Variants in CROCC2 observed in about 807,000 individuals in gnomAD.
The protein encoded by CROCC2 is ciliary rootlet coiled-coil protein 2.
In CROCC2, 163 loss-of-function variants were observed where a neutral mutation model predicts 177.6. That is an observed-to-expected ratio of 0.92 (90% CI 0.81 to 1.05). The LOEUF is 1.05. Ranked by LOEUF, CROCC2 falls within the 50% of genes least tolerant of loss-of-function variation. The pLI is 0.00. For missense variants in CROCC2, 1,929 were observed against 1,797.8 expected (o/e 1.07, Z -1.32); for synonymous variants, 904 against 787.3 (o/e 1.15, Z -2.48).
chr2:240,926,191 G>A (rs1045011733), intron 5 of CROCC2, among the ~76,000 whole-genome samples: 9 of 152,218 alleles, frequency 5.9e-5, no homozygotes, highest in Admixed American at 2.6e-4. Context: ...GTTGTTCTCC[G>A]TAGGCCGAAC....
intron 28 of CROCC2, among the ~76,000 whole-genome samples, chr2:240,988,049 AG>A (rs2059851906): frequency 6.6e-6 from 1 of 152,208 alleles, no homozygotes; most frequent in Non-Finnish European, 1.5e-5. Flanking sequence ...TTTCCTCCAG[AG>A]GGCCCATTCG....
rs13418836 is a variant in CROCC2 at position 240,973,874 on chromosome 2, A to G, written c.4401+5612A>G. Among the ~76,000 whole-genome samples, 8,144 of 152,320 alleles carry G rather than the reference A, an allele frequency of 0.053. 706 individuals carry two copies. The highest frequency in any genetic ancestry group is 0.18 in the African/African-American group (7,607 of 41,542). On this transcript the variant is annotated intron_variant, in intron 27 of 31. Transcript: ENST00000690015. The surrounding 1 kb of genome is among the most constrained non-coding windows in gnomAD (Gnocchi z 4.7). ...CTTTTTCCATCACCTGGAACACTCAAAATAACTTTTCTTGAGAGGTTCATT... is the reference window on the plus strand; with the variant it reads ...CTTTTTCCATCACCTGGAACACTCAGAATAACTTTTCTTGAGAGGTTCATT...
intron 18 of CROCC2, chr2:240,954,892 C>G (rs946348793): frequency 1.3e-5 from 2 of 152,290 alleles, no homozygotes; most frequent in South Asian, 4.1e-4. Flanking sequence ...TCTGAGAAAC[C>G]CCCAGGGTTT....
chr2:240,936,605 G>A (rs1351909921), intron 14 of CROCC2, among the ~76,000 whole-genome samples: 1 of 152,140 alleles, frequency 6.6e-6, no homozygotes, highest in East Asian at 1.9e-4. Flanking sequence ...TGGACATTTG[G>A]ATTGTCCAGC....
chr2:240,933,002 GC>G (rs1433648153), intron 9 of CROCC2, 94 bp downstream of exon 9: 4 of 1,506,694 alleles, frequency 2.7e-6, no homozygotes, highest in Non-Finnish European at 3.6e-6. Flanking sequence ...CTGCCCCTGA[GC>G]CCCATGGCTC....
At chr2:240,956,125 G>C (rs553894622) in intron 19 of CROCC2, among the ~76,000 whole-genome samples, 153 bp downstream of exon 19, 1 of 152,358 alleles carries the variant, frequency 6.6e-6, no homozygotes, top group African/African-American at 2.4e-5. Flanking sequence ...AGGGCTCCTG[G>C]TGGGAGGGGC....
chr2:240,950,925 AC>A (rs1227522209), intron 18 of CROCC2: 1 of 174,104 alleles, frequency 5.7e-6, no homozygotes, highest in Admixed American at 6.1e-5. Context: ...CCATCCATCC[AC>A]CCATTTACCT....
chr2:240,941,332 C>T (rs1166658870), intron 14 of CROCC2, among the ~76,000 whole-genome samples: 1 of 152,036 alleles, frequency 6.6e-6, no homozygotes, highest in Non-Finnish European at 1.5e-5. Context: ...AGAAAAAAAT[C>T]CTAAATTTCA....
chr2:240,990,842 A>G (rs7569764), intron 30 of CROCC2, among the ~76,000 whole-genome samples: 106,622 of 152,122 alleles, frequency 0.7, 38,040 homozygotes, highest in East Asian at 0.92. Flanking sequence ...CCCAAGGCCC[A>G]CCTCGGCCAC....
intron 27 of CROCC2, chr2:240,981,587 C>CA (rs2059800480): frequency 1.3e-5 from 2 of 152,276 alleles, no homozygotes; most frequent in South Asian, 4.1e-4. Flanking sequence ...TTAAAACTGC[C>CA]ATGAAATATT....
intron 20 of CROCC2, among the ~76,000 whole-genome samples, chr2:240,962,643 A>G (rs1559606937): frequency 6.6e-6 from 1 of 152,230 alleles, no homozygotes; most frequent in Non-Finnish European, 1.5e-5. Context: ...GCGACTTGAC[A>G]TCGCGGAGTC....
At chr2:240,991,769 T>C (rs1219514608) in intron 31 of CROCC2, among the ~76,000 whole-genome samples, 2 of 152,244 alleles carry the variant, frequency 1.3e-5, no homozygotes, top group African/African-American at 4.8e-5. Flanking sequence ...GGCCAGGCCC[T>C]GTCAGGCTGG....
Position 240,956,715 on chromosome 2 carries a change from C to A in CROCC2, c.2943+743C>A, listed in dbSNP as rs192543097. 7.7e-3 allele frequency among the ~76,000 whole-genome samples: 1,178 copies of A among 152,206 alleles called. 13 individuals carry two copies. Among genetic ancestry groups the A allele is most frequent in the African/African-American group, 0.027 (1,129 of 41,552 alleles). On this transcript the variant is annotated intron_variant, in intron 19 of 31. Coordinates refer to ENST00000690015, the MANE Select transcript of CROCC2 (RefSeq NM_001351305.2). ...CTCTGGAGAGGAGGGCTCTGGGGAGCAGGGGAGGAGGACTCTGAGGCCTGT... is the reference window on the plus strand; with the variant it reads ...CTCTGGAGAGGAGGGCTCTGGGGAGAAGGGGAGGAGGACTCTGAGGCCTGT...
At position 240,946,043 on chromosome 2, in the gene CROCC2, C is replaced by T; in HGVS notation, c.2170-17C>T. The T allele has an allele frequency of 1.3e-6, 2 of 1,482,616 alleles. No homozygotes were observed. The highest frequency in any genetic ancestry group is 1.8e-6 in the Non-Finnish European group (2 of 1,101,970). The allele number at this position is 1,482,616 out of a possible 1,614,324, so 91.8% of individuals were successfully genotyped here. ...ACTCTCTTTCTCTGCCGACTGTCCC[C>T]TCCCCACCTCCCCTAGGTCACATGC... On this transcript the variant is annotated splice_polypyrimidine_tract_variant and intron_variant, in intron 14 of 31. Coordinates refer to ENST00000690015, the MANE Select transcript of CROCC2 (RefSeq NM_001351305.2).
chr2:240,914,410 C>T (rs1361777739), intron 1 of CROCC2, among the ~76,000 whole-genome samples: 1 of 152,240 alleles, frequency 6.6e-6, no homozygotes, highest in African/African-American at 2.4e-5. Flanking sequence ...CTGGCGCGCG[C>T]CTTCACTCTC....
intron 7 of CROCC2, 116 bp downstream of exon 7, chr2:240,931,244 G>A: frequency 5.0e-6 from 3 of 602,378 alleles, no homozygotes; most frequent in East Asian, 2.8e-5. Flanking sequence ...GGGCAGGTGG[G>A]GCCCTGATGT....
rs2059621131 is a variant in CROCC2, at chr2:240,960,038, A to G, written c.3087+594A>G. The stretch of plus-strand genomic sequence containing the variant: ...TCCAGCCGGCCCCCTCGTTCCACGC[A>G]CAGTTAAGAAAGTGGAGTCAGGAAG... On this transcript the variant is annotated intron_variant, in intron 20 of 31. Transcript: ENST00000690015. This position sits in a 1 kb window ranked among gnomAD's most constrained non-coding sequence, Gnocchi z 5.0. Among the ~76,000 whole-genome samples the G allele has an allele frequency of 6.6e-6, 1 of 152,216 alleles. No individual in the cohort carries two copies. Among genetic ancestry groups the G allele is most frequent in the African/African-American group, 2.4e-5 (1 of 41,454 alleles).
chr2:240,963,683 T>C lies in CROCC2; in HGVS notation c.3215T>C (p.Leu1072Pro), dbSNP rs2059658057. 6.5e-7 allele frequency: 1 copy of C among 1,550,132 alleles called. No homozygotes were observed. The highest frequency in any genetic ancestry group is 2.4e-5 in the East Asian group (1 of 40,892). ...HREAQEARRA[L>P]SDEAREKDVL... The stretch of plus-strand genomic sequence containing the variant: ...GAGGCCCAGGAGGCCCGCCGGGCGC[T>C]GAGTGACGAGGCCCGCGAGAAGGAC... The change falls in exon 21 of 32, where the codon CTG becomes CCG. Residue 1072 changes from leucine to proline, a missense_variant. Physicochemically the swap from Leu to Pro is moderately conservative, Grantham distance 98 (BLOSUM62 -3). Transcript: ENST00000690015.
chr2:240,949,056 A>G lies in CROCC2; in HGVS notation c.2441A>G (p.Glu814Gly), dbSNP rs1473546863. ...ACAAAGCTGCAGGAGCAGCTGGAGG[A>G]GGAAGCCCGGAGCGCAGGACTCGCG... ...LATKLQEQLE[E>G]EARSAGLARQ... is the part of the protein sequence containing the mutation. The change falls in exon 16 of 32, where the codon GAG becomes GGG. Residue 814 changes from glutamate to glycine, a missense_variant. Glu to Gly is a moderately conservative substitution (Grantham distance 98). Coordinates refer to ENST00000690015, the MANE Select transcript of CROCC2 (RefSeq NM_001351305.2). This position sits in a 1 kb window ranked among gnomAD's most constrained non-coding sequence, Gnocchi z 4.5. 6.5e-7 allele frequency: 1 copy of G among 1,548,998 alleles called. No homozygotes were observed. Among genetic ancestry groups the G allele is most frequent in the African/African-American group, 1.4e-5 (1 of 72,994 alleles).
Sources: gnomAD v4.1 joint callset for allele counts (sites outside exome capture counted in the v4.1 genomes callset) on GRCh38, gnomAD v4.1.1 for gene constraint, Gnocchi (gnomAD v3.1) non-coding constraint, MANE v1.5 for transcripts, NCBI Gene and HGNC (gene_info 2026-07-23, HGNC 2026-07-21) for gene names.